The following HELB variants were observed in gnomAD, a reference collection of about 807,000 sequenced individuals.
The protein encoded by HELB is DNA helicase B.
A neutral mutation model predicts 101.7 loss-of-function variants in HELB; 96 were observed. The observed-to-expected ratio is 0.94, with a 90% CI of 0.80 to 1.12. HELB has a LOEUF of 1.12. Ranked by LOEUF, HELB falls within the 50% of genes most tolerant of loss-of-function variation. The pLI is 0.00. For missense variants in HELB, 1,210 were observed against 1,291.9 expected (o/e 0.94, Z 0.97); for synonymous variants, 437 against 459.7 (o/e 0.95, Z 0.63).
downstream of HELB, chr12:66,341,630 A>G (rs2053919025): frequency 6.6e-6 from 1 of 152,216 alleles, no homozygotes; most frequent in South Asian, 2.1e-4. Flanking sequence ...TTAACCTGAT[A>G]GTATCTGATA....
intron 1 of HELB, among the ~76,000 whole-genome samples, chr12:66,303,321 C>T (rs978698515): frequency 6.6e-6 from 1 of 151,934 alleles, no homozygotes; most frequent in African/African-American, 2.4e-5. Flanking sequence ...GTGGTTCTTC[C>T]TCAGCTTCTT....
At chr12:66,304,706 T>G in intron 1 of HELB, 25 bp from the exon 2 acceptor site, 1 of 1,563,522 alleles carries the variant, frequency 6.4e-7, no homozygotes, top group Non-Finnish European at 8.6e-7. Context: ...TTAACTTTTG[T>G]GGGTTTTTGT....
chr12:66,325,558 G>A (rs2053727574), intron 11 of HELB, among the ~76,000 whole-genome samples: 1 of 152,116 alleles, frequency 6.6e-6, no homozygotes, highest in African/African-American at 2.4e-5. Context: ...CTGGAGGTGA[G>A]TTCCTCACTT....
chr12:66,310,008 AAG>A lies in HELB; in HGVS notation c.1083_1084del (p.Arg361SerfsTer8). The A allele has an allele frequency of 6.2e-7, 1 of 1,614,188 alleles. No homozygotes were observed. Among genetic ancestry groups the A allele is most frequent in the Non-Finnish European group, 8.5e-7 (1 of 1,180,028 alleles). On this transcript the variant is annotated frameshift_variant, in exon 4 of 13. Coordinates refer to ENST00000247815, the MANE Select transcript of HELB (RefSeq NM_001370285.1). LOFTEE classifies it high-confidence loss of function. Reference protein sequence around the residue: ...VFPYDLYHAERAIAFSICDLM... With the variant: ...VFPYDLYHAEXAIAFSICDLM... ...TCCCTTATGACCTTTACCATGCTGA[AAG>A]AGCCATCGCCTTTTCAATTTGTGAC...
intron 1 of HELB, among the ~76,000 whole-genome samples, chr12:66,303,053 C>T (rs1246755977): frequency 1.5e-5 from 2 of 133,780 alleles, no homozygotes; most frequent in African/African-American, 2.7e-5. Context: ...AACAAAGCTT[C>T]TACAGTGTGG....
chr12:66,302,641 G>C lies in HELB; in HGVS notation c.38G>C (p.Gly13Ala). The change falls in exon 1 of 13, where the codon GGA becomes GCA. Residue 13 changes from glycine to alanine, a missense_variant. By Grantham distance (60) the Gly-to-Ala change is moderately conservative. Around this residue, in one of 2 missense-constraint regions of HELB, gnomAD observed 470 missense variants for 563.1 expected, o/e 0.83. Transcript: ENST00000247815. ...RSSPYLRQLQ[G>A]PLLPPRDLVE... is the part of the protein sequence containing the mutation. ...AGTCCGTACCTGCGCCAACTTCAGG[G>C]ACCTCTGCTCCCACCCAGGGATCTG... is the stretch of plus-strand genomic sequence containing the variant. 6.2e-7 allele frequency: 1 copy of C among 1,614,106 alleles called. No individual in the cohort carries two copies. Among genetic ancestry groups the C allele is most frequent in the East Asian group, 2.2e-5 (1 of 44,882 alleles).
At chr12:66,312,056 AT>A (rs2053551088) in intron 4 of HELB, among the ~76,000 whole-genome samples, 2 of 152,380 alleles carry the variant, frequency 1.3e-5, no homozygotes, top group South Asian at 2.1e-4. Flanking sequence ...AATAGTGGAA[AT>A]TAAACTTGGG....
Position 66,331,658 on chromosome 12 carries a change from T to G in HELB, c.3162+13T>G, listed in dbSNP as rs539366695. On this transcript the variant is annotated intron_variant, in intron 12 of 12. Coordinates refer to ENST00000247815, the MANE Select transcript of HELB (RefSeq NM_001370285.1). ...CAAAATTTTTATGGTAGGAGTGATG[T>G]TTCCATGTTCCCAAGTTTTATTTAA... 1 of 1,579,682 alleles carries G rather than the reference T, an allele frequency of 6.3e-7. No homozygotes were observed. Among genetic ancestry groups the G allele is most frequent in the East Asian group, 2.2e-5 (1 of 44,702 alleles).
At chr12:66,309,301 G>A (rs1016206888) in intron 3 of HELB, among the ~76,000 whole-genome samples, 14 of 152,244 alleles carry the variant, frequency 9.2e-5, no homozygotes, top group African/African-American at 3.4e-4. Context: ...ATAGTAAGGA[G>A]TTAATAATGA....
Position 66,302,777 on chromosome 12 carries a change from C to G in HELB, c.174C>G (p.Pro58=). ...GGGGCGTAAAGGCTGGCAGCCTCCC[C>G]GGGTGCCTCCGCGGTGAGGAAGGCG... The part of the protein sequence containing the change: ...CSGGVKAGSL[P]GCLRVSICDE... The change falls in exon 1 of 13, where the codon CCC becomes CCG. Residue 58 remains proline (P), a synonymous_variant. Coordinates refer to ENST00000247815, the MANE Select transcript of HELB (RefSeq NM_001370285.1). 1 of 1,609,174 alleles carries G rather than the reference C, an allele frequency of 6.2e-7. No homozygotes were observed. The highest frequency in any genetic ancestry group is 8.5e-7 in the Non-Finnish European group (1 of 1,176,802).
At chr12:66,323,763 A>T (rs1463854662) in intron 9 of HELB, among the ~76,000 whole-genome samples, 1 of 152,208 alleles carries the variant, frequency 6.6e-6, no homozygotes, top group Non-Finnish European at 1.5e-5. Flanking sequence ...TGACTGGGAA[A>T]TGTCATTGAG....
At chr12:66,318,509 C>G (rs1045095867) in intron 6 of HELB, 129 bp from the exon 7 acceptor site, 1 of 770,576 alleles carries the variant, frequency 1.3e-6, no homozygotes, top group African/African-American at 1.8e-5. Context: ...TAATGCATAC[C>G]TGGATGACCT....
chr12:66,302,862 T>C (rs1008848321), intron 1 of HELB, 72 bp downstream of exon 1: 1 of 1,334,320 alleles, frequency 7.5e-7, no homozygotes, highest in Non-Finnish European at 1.0e-6. Flanking sequence ...GGCTTTGCCC[T>C]GAGCAAGGCA....
chr12:66,319,140 GC>G (rs1443880107), intron 7 of HELB, among the ~76,000 whole-genome samples: 1 of 152,160 alleles, frequency 6.6e-6, no homozygotes, highest in Non-Finnish European at 1.5e-5. Flanking sequence ...TATTTGAAAA[GC>G]AGATACATTT....
At chr12:66,318,422 TG>T (rs897508081) in intron 6 of HELB, among the ~76,000 whole-genome samples, 17 of 152,330 alleles carry the variant, frequency 1.1e-4, no homozygotes, top group African/African-American at 4.1e-4. Flanking sequence ...ATTGCTAATG[TG>T]TAGTACCATA....
chr12:66,333,547 A>G (rs1282752867), intron 12 of HELB, among the ~76,000 whole-genome samples: 1 of 151,902 alleles, frequency 6.6e-6, no homozygotes, highest in East Asian at 1.9e-4. Context: ...TTAGCCAGGC[A>G]TGGTGGCAGT....
At chr12:66,327,338 C>A (rs949071675) in intron 11 of HELB, among the ~76,000 whole-genome samples, 1 of 151,896 alleles carries the variant, frequency 6.6e-6, no homozygotes, top group Non-Finnish European at 1.5e-5. Flanking sequence ...TTCTTTTTCT[C>A]AGTTTCCTCT....
At position 66,324,098 on chromosome 12, in the gene HELB, C is replaced by G; in HGVS notation, c.2413C>G (p.Leu805Val). The change falls in exon 10 of 13, where the codon CTA becomes GTA. Residue 805 changes from leucine (L) to valine (V), a missense_variant. Physicochemically the swap from Leu to Val is conservative, Grantham distance 32 (BLOSUM62 1). Coordinates refer to ENST00000247815, the MANE Select transcript of HELB (RefSeq NM_001370285.1). ...NISGSQQNND[L>V]DASSEDFSGT... ...CTCTGGAAGTCAGCAAAATAATGAT[C>G]TAGATGCCAGTAGTGAAGACTTTTC... The G allele has an allele frequency of 6.2e-7, 1 of 1,613,488 alleles. No homozygotes were observed. Among genetic ancestry groups the G allele is most frequent in the South Asian group, 1.1e-5 (1 of 91,068 alleles).
intron 1 of HELB, 142 bp downstream of exon 1, chr12:66,302,932 TA>T (rs2053423218): frequency 3.3e-6 from 2 of 612,424 alleles, no homozygotes; most frequent in Non-Finnish European, 5.5e-6. Context: ...CTACCAAGGG[TA>T]AAATTATGAC....
Sources: gnomAD v4.1 joint callset for allele counts (sites outside exome capture counted in the v4.1 genomes callset) on GRCh38, gnomAD v4.1.1 for gene constraint, gnomAD v4.1.1 regional missense constraint, MANE v1.5 for transcripts, NCBI Gene and HGNC (gene_info 2026-07-23, HGNC 2026-07-21) for gene names.